KLHDC4: variants seen among roughly 807,000 people sequenced by gnomAD.
KLHDC4 encodes the protein kelch domain containing 4.
In KLHDC4, 90 loss-of-function variants were observed where a neutral mutation model predicts 62.4. The ratio of observed to expected loss-of-function variants is 1.44; its 90% confidence interval spans 1.22 to 1.72. The LOEUF is 1.72. KLHDC4 is among the 40% of genes most tolerant of loss of function. The pLI, the probability that KLHDC4 is intolerant of heterozygous loss-of-function variation, is 0.00. For synonymous variants in KLHDC4, 386 were observed against 284.4 expected (o/e 1.36, Z -3.59); for missense variants, 1,025 against 699.7 (o/e 1.47, Z -5.25).
chr16:87,716,227 T>C (rs112691618), intron 7 of KLHDC4, among the ~76,000 whole-genome samples: 1 of 151,458 alleles, frequency 6.6e-6, no homozygotes, highest in African/African-American at 2.4e-5. Flanking sequence ...GACGTAGACT[T>C]TGGGTACGCG....
exon 1 of KLHDC4, chr16:87,700,535 G>GGAGGGAGGAAAGAGGGTGGAGGGAA (rs1567626980): frequency 1.2e-5 from 2 of 166,256 alleles, no homozygotes; most frequent in East Asian, 3.9e-4. Context: ...GGTGGAGGGA[G>GGAGGGAGGAAAGAGGGTGGAGGGAA]GAGGGCAGAA....
At chr16:87,711,720 A>G (rs1391506558) in intron 8 of KLHDC4, among the ~76,000 whole-genome samples, 1 of 151,496 alleles carries the variant, frequency 6.6e-6, no homozygotes, top group Non-Finnish European at 1.5e-5. Context: ...GTGGAAAGGC[A>G]GGGATTGGGC....
chr16:87,731,919 G>A (rs1567733355), intron 5 of KLHDC4, among the ~76,000 whole-genome samples: 1 of 152,208 alleles, frequency 6.6e-6, no homozygotes, highest in Admixed American at 6.5e-5. Flanking sequence ...AAAACATCTC[G>A]CTGAAGGAAG....
In KLHDC4 at chr16:87,762,243, AGG is replaced by A. The variant is rs971292853; in HGVS notation, c.100-205_100-204del. On this transcript the variant is annotated intron_variant, in intron 1 of 11. Transcript: ENST00000270583. ...TTGACCTCAAAGGCAGTCTGCTTAA[AGG>A]GTAGATGTGTGCACCAAGTATTATC... 3.1e-4 allele frequency: 338 copies of A among 1,080,418 alleles called. 2 individuals carry two copies. In the African/African-American group the frequency reaches 5.2e-3, roughly 17 times the overall value. 66.9% of individuals were successfully genotyped at this position (1,080,418 alleles called of 1,614,324 possible). A position where few individuals can be genotyped will look rare whatever the true frequency, so the allele number is the denominator to read the frequency against.
intron 7 of KLHDC4, among the ~76,000 whole-genome samples, chr16:87,719,017 G>A (rs907818725): frequency 2.2e-4 from 34 of 151,640 alleles, no homozygotes; most frequent in South Asian, 4.2e-4. Flanking sequence ...AGTGAGGAGC[G>A]TCTCCGCCCA....
chr16:87,741,084 A>G (rs946108381), intron 5 of KLHDC4: 7 of 152,206 alleles, frequency 4.6e-5, no homozygotes, highest in East Asian at 1.9e-4. Flanking sequence ...GACGTCAAGT[A>G]TATGTGTCTG....
Position 87,715,666 on chromosome 16 carries a change from A to T in KLHDC4, c.760-1093T>A, listed in dbSNP as rs575237477. Among the ~76,000 whole-genome samples the T allele has an allele frequency of 2.0e-5, 3 of 152,254 alleles. No individual in the cohort carries two copies. The East Asian group carries it at 5.8e-4, about 29-fold the overall frequency. ...CTTTCTCATTAGACTGGGGTTATGAATCATTAGGACGATCCCCGGGGTGAA... is the reference window on the plus strand; with the variant it reads ...CTTTCTCATTAGACTGGGGTTATGATTCATTAGGACGATCCCCGGGGTGAA... On this transcript the variant is annotated intron_variant, in intron 7 of 11. Transcript: ENST00000270583.
At chr16:87,749,650 C>T (rs970321923) in intron 4 of KLHDC4, among the ~76,000 whole-genome samples, 1 of 152,010 alleles carries the variant, frequency 6.6e-6, no homozygotes, top group African/African-American at 2.4e-5. Flanking sequence ...GTGGCGCCAT[C>T]ATCACTCACT....
At chr16:87,718,543 C>G (rs1320118365) in intron 7 of KLHDC4, among the ~76,000 whole-genome samples, 1 of 151,834 alleles carries the variant, frequency 6.6e-6, no homozygotes, top group Non-Finnish European at 1.5e-5. Context: ...CTGGTTTTTG[C>G]TGGAGTGCAG....
chr16:87,734,952 C>G (rs1315777822), intron 5 of KLHDC4, among the ~76,000 whole-genome samples: 1 of 63,714 alleles, frequency 1.6e-5, no homozygotes, highest in South Asian at 6.3e-4. Flanking sequence ...CCCTCCCACT[C>G]CTGACGAATT....
rs774159926 is a variant in KLHDC4 at position 87,709,540 on chromosome 16, T to G, written c.1172A>C (p.Glu391Ala). ...CTTAATGGTGACCACGGTGCCATCC[T>G]CGGCCACCACCTCCTTGACCAGCTG... ...PVQLVKEVVA[E>A]DGTVVTIKQV... The change falls in exon 10 of 12, where the codon GAG (glutamate) becomes GCG (alanine). Residue 391 changes from glutamate to alanine, a missense_variant. Physicochemically the swap from Glu to Ala is moderately radical, Grantham distance 107 (BLOSUM62 -1). Coordinates refer to ENST00000270583, the MANE Select transcript of KLHDC4 (RefSeq NM_017566.4). 4 of 1,612,428 alleles carry G rather than the reference T, an allele frequency of 2.5e-6. No homozygotes were observed. The highest frequency in any genetic ancestry group is 3.4e-6 in the Non-Finnish European group (4 of 1,179,962).
At chr16:87,702,466 A>T (rs369432920) in exon 1 of KLHDC4, 1 of 362,870 alleles carries the variant, frequency 2.8e-6, no homozygotes, top group Non-Finnish European at 5.4e-6. Flanking sequence ...CGCGTCCCCA[A>T]ATGTAGCCAC....
intron 7 of KLHDC4, among the ~76,000 whole-genome samples, chr16:87,722,897 G>A (rs1013743831): frequency 2.0e-5 from 3 of 152,260 alleles, no homozygotes; most frequent in African/African-American, 7.2e-5. Flanking sequence ...TCAGTGAAAT[G>A]TGAGGTGAGG....
chr16:87,742,266 G>C (rs1419034579), intron 5 of KLHDC4, among the ~76,000 whole-genome samples: 1 of 152,062 alleles, frequency 6.6e-6, no homozygotes, highest in East Asian at 1.9e-4. Flanking sequence ...TCAGTCCCCT[G>C]TACCATCCCC....
chr16:87,762,089 G>A (rs181567434), intron 1 of KLHDC4, 49 bp from the exon 2 acceptor site: 45 of 1,601,604 alleles, frequency 2.8e-5, no homozygotes, highest in East Asian at 1.1e-4. Context: ...AGGACCCGCC[G>A]CGGAGCCACA....
intron 4 of KLHDC4, chr16:87,750,870 CT>C (rs2043823692): frequency 6.6e-6 from 1 of 152,272 alleles, no homozygotes; most frequent in South Asian, 2.1e-4. Flanking sequence ...GCACAGAGGA[CT>C]TACCTGTAAA....
intron 2 of KLHDC4, among the ~76,000 whole-genome samples, chr16:87,761,063 TG>T (rs1199017142): frequency 4.6e-5 from 7 of 152,046 alleles, no homozygotes; most frequent in Non-Finnish European, 1.0e-4. Flanking sequence ...ATTTACCACA[TG>T]TAACTTACAT....
intron 5 of KLHDC4, among the ~76,000 whole-genome samples, chr16:87,732,517 C>T (rs952509625): frequency 6.6e-6 from 1 of 152,104 alleles, no homozygotes; most frequent in Non-Finnish European, 1.5e-5. Context: ...TAAAAAAATA[C>T]AAAAAGCAAA....
At chr16:87,759,170 C>A (rs2045483939) in intron 2 of KLHDC4, among the ~76,000 whole-genome samples, 1 of 152,002 alleles carries the variant, frequency 6.6e-6, no homozygotes, top group Non-Finnish European at 1.5e-5. Flanking sequence ...AAAACTCTGT[C>A]TCAAAAAAAC....
Sources: gnomAD v4.1 joint callset for allele counts (sites outside exome capture counted in the v4.1 genomes callset) on GRCh38, gnomAD v4.1.1 for gene constraint, MANE v1.5 for transcripts, NCBI Gene and HGNC (gene_info 2026-07-23, HGNC 2026-07-21) for gene names.